Variants in ARHGAP40 observed in about 807,000 individuals in gnomAD.
ARHGAP40 encodes rho GTPase-activating protein 40.
In ARHGAP40, 43 loss-of-function variants were observed where a neutral mutation model predicts 73.5. The observed-to-expected ratio is 0.58, with a 90% CI of 0.46 to 0.75. The LOEUF is 0.75. Ranked by LOEUF, ARHGAP40 falls within the 30% of genes least tolerant of loss-of-function variation. The pLI is 0.00. For missense variants in ARHGAP40, 734 were observed against 861.8 expected (o/e 0.85, Z 1.86); for synonymous variants, 300 against 352.8 (o/e 0.85, Z 1.68).
chr20:38,647,556 A>G (rs765644007), intron 13 of ARHGAP40, among the ~76,000 whole-genome samples: 7 of 145,740 alleles, frequency 4.8e-5, no homozygotes, highest in Non-Finnish European at 7.8e-5. Context: ...ATGCCTGGAT[A>G]ATTTTTTTGT....
At chr20:38,634,644 C>T (rs1198738081) in exon 6 of ARHGAP40, 1 of 1,305,460 alleles carries the variant, frequency 7.7e-7, no homozygotes, top group Non-Finnish European at 1.0e-6. Flanking sequence ...CAAAGGCAGA[C>T]TTGGCGTGAC....
Position 38,646,195 on chromosome 20 carries a change from C to T in ARHGAP40, c.1710+8C>T. ...GGGGACGGCCTCGAGGCGGTGAGTGCCCCCGACCCCAGACAGGTGGAGAAG... is the reference window on the plus strand; with the variant it reads ...GGGGACGGCCTCGAGGCGGTGAGTGTCCCCGACCCCAGACAGGTGGAGAAG... On this transcript the variant is annotated splice_region_variant and intron_variant, in intron 12 of 14. Transcript: ENST00000373345. The surrounding 1 kb of genome is among the most constrained non-coding windows in gnomAD (Gnocchi z 4.5). 7.7e-7 allele frequency: 1 copy of T among 1,297,282 alleles called. No individual in the cohort carries two copies. The highest frequency in any genetic ancestry group is 1.0e-6 in the Non-Finnish European group (1 of 984,782). The allele number at this position is 1,297,282 out of a possible 1,614,324, so 80.4% of individuals were successfully genotyped here. A position where few individuals can be genotyped will look rare whatever the true frequency, so the allele number is the denominator to read the frequency against.
chr20:38,609,536 G>T (rs1270110906), intron 1 of ARHGAP40, among the ~76,000 whole-genome samples: 1 of 152,208 alleles, frequency 6.6e-6, no homozygotes, highest in Non-Finnish European at 1.5e-5. Flanking sequence ...GTCTCAAAGA[G>T]ATCCCAGACT....
intron 1 of ARHGAP40, chr20:38,615,361 A>C: frequency 2.6e-6 from 2 of 756,614 alleles, no homozygotes; most frequent in Non-Finnish European, 4.9e-6. Flanking sequence ...CTGGTAAACC[A>C]GGGTTAAAAG....
At position 38,609,327 on chromosome 20, in the gene ARHGAP40, A is replaced by C. The variant is rs143776622; in HGVS notation, c.137+7248A>C. On this transcript the variant is annotated intron_variant, in intron 1 of 14. Transcript: ENST00000373345. Reference sequence around the variant, plus strand: ...ACACAGATTGCTGCACCCCACCCCCAGAGTTTCTAATTCTGTAGTTCTGAG... The same window carrying C: ...ACACAGATTGCTGCACCCCACCCCCCGAGTTTCTAATTCTGTAGTTCTGAG... 8.8e-3 allele frequency among the ~76,000 whole-genome samples: 1,332 copies of C among 152,200 alleles called. 7 individuals carry two copies. The highest frequency in any genetic ancestry group is 0.015 in the Non-Finnish European group (1,007 of 68,010).
At chr20:38,609,317 C>A (rs1569007045) in intron 1 of ARHGAP40, among the ~76,000 whole-genome samples, 1 of 152,118 alleles carries the variant, frequency 6.6e-6, no homozygotes, top group Non-Finnish European at 1.5e-5. Context: ...GATTGCTGCA[C>A]CCCACCCCCA....
chr20:38,648,896 A>C (rs1162250165), intron 14 of ARHGAP40, among the ~76,000 whole-genome samples, 198 bp downstream of exon 14: 1 of 152,206 alleles, frequency 6.6e-6, no homozygotes, highest in Non-Finnish European at 1.5e-5. Context: ...TTAGGAGCCT[A>C]TCCTGGAGTT....
exon 15 of ARHGAP40, chr20:38,650,355 G>T: frequency 2.1e-6 from 1 of 471,302 alleles, no homozygotes; most frequent in South Asian, 1.5e-5. Context: ...AAATTGTTTC[G>T]AAAGTGGCCC....
chr20:38,643,629 C>G, intron 10 of ARHGAP40, 75 bp from the exon 11 acceptor site: 1 of 1,184,890 alleles, frequency 8.4e-7, no homozygotes, highest in Middle Eastern at 2.3e-4. Context: ...TATCATTCAT[C>G]AGAATGCCCT....
chr20:38,612,842 G>C (rs571351170), intron 1 of ARHGAP40, among the ~76,000 whole-genome samples: 51 of 152,180 alleles, frequency 3.4e-4, no homozygotes, highest in Non-Finnish European at 5.7e-4. Flanking sequence ...TACAAATCAA[G>C]ATGACAATCT....
exon 1 of ARHGAP40, chr20:38,601,892 GC>G: frequency 7.8e-7 from 1 of 1,286,480 alleles, no homozygotes; most frequent in South Asian, 1.2e-5. Flanking sequence ...GATCGAGTCA[GC>G]CCCACGGCGG....
At chr20:38,635,524 G>A (rs116263380) in intron 6 of ARHGAP40, among the ~76,000 whole-genome samples, 5 of 151,946 alleles carry the variant, frequency 3.3e-5, no homozygotes, top group South Asian at 2.1e-4. Context: ...GTAGCCAGGC[G>A]TGCTGGTGCA....
At chr20:38,605,250 C>T (rs538197871) in intron 1 of ARHGAP40, among the ~76,000 whole-genome samples, 4 of 152,334 alleles carry the variant, frequency 2.6e-5, no homozygotes, top group East Asian at 3.9e-4. Context: ...ACTGCCTCTA[C>T]ATGAAGTCCT....
chr20:38,623,738 C>T (rs1247240887), intron 2 of ARHGAP40, among the ~76,000 whole-genome samples, 180 bp downstream of exon 2: 1 of 152,214 alleles, frequency 6.6e-6, no homozygotes, highest in African/African-American at 2.4e-5. Flanking sequence ...GTCTGTTCTC[C>T]ATGCCATAGT....
intron 1 of ARHGAP40, among the ~76,000 whole-genome samples, chr20:38,621,088 C>T (rs1198919918): frequency 1.3e-5 from 2 of 152,158 alleles, no homozygotes; most frequent in East Asian, 3.9e-4. Context: ...TGGATTACAC[C>T]TCCAGAAACT....
intron 6 of ARHGAP40, among the ~76,000 whole-genome samples, 175 bp downstream of exon 6, chr20:38,634,960 C>T (rs181720590): frequency 4.6e-5 from 7 of 151,760 alleles, no homozygotes; most frequent in African/African-American, 9.7e-5. Context: ...CGGCTCACTG[C>T]AACCTCCGCC....
intron 11 of ARHGAP40, 103 bp downstream of exon 11, chr20:38,644,013 C>T (rs1377740248): frequency 8.5e-6 from 9 of 1,054,228 alleles, no homozygotes; most frequent in Non-Finnish European, 1.1e-5. Context: ...TAGTGTGTCC[C>T]TTCCAGGACC....
At chr20:38,640,235 GA>G (rs1429099407) in intron 9 of ARHGAP40, among the ~76,000 whole-genome samples, 14 of 106,710 alleles carry the variant, frequency 1.3e-4, no homozygotes, top group Non-Finnish European at 2.3e-4. Context: ...TTTTTTTTTA[GA>G]GATGGGGTCT....
rs531518594 is a variant in ARHGAP40 at position 38,629,007 on chromosome 20, G to A, written c.634+5G>A. On this transcript the variant is annotated splice_donor_5th_base_variant and intron_variant, in intron 4 of 14. Transcript: ENST00000373345. ...GGGCCTCTAAGTTTCCTCCAGGTAA[G>A]TGGTCTTCATTCTCCAGGGCCCTGA... 8.4e-6 allele frequency: 11 copies of A among 1,304,542 alleles called. No individual in the cohort carries two copies. The East Asian group carries it at 3.3e-4, about 40-fold the overall frequency. 80.8% of individuals were successfully genotyped at this position (1,304,542 alleles called of 1,614,324 possible).
Sources: allele counts gnomAD v4.1 joint callset (sites outside exome capture counted in the v4.1 genomes callset), GRCh38; gene constraint gnomAD v4.1.1; non-coding constraint Gnocchi (gnomAD v3.1); transcripts MANE v1.5; gene names NCBI Gene and HGNC (gene_info 2026-07-23, HGNC 2026-07-21).